The following RIMS2 variants were observed in gnomAD, a reference collection of about 807,000 sequenced individuals.
The protein encoded by RIMS2 is regulating synaptic membrane exocytosis 2.
In RIMS2, 59 loss-of-function variants were observed where a neutral mutation model predicts 174.4. That is an observed-to-expected ratio of 0.34 (90% CI 0.27 to 0.42). The LOEUF is 0.42. RIMS2 is among the 10% of genes least tolerant of loss of function. RIMS2 has a pLI of 1.00. For synonymous variants in RIMS2, 606 were observed against 572.5 expected (o/e 1.06, Z -0.84); for missense variants, 1,620 against 1,666.3 (o/e 0.97, Z 0.48).
chr8:103,885,989 T>C (rs1209473681), exon 4 of RIMS2: 1 of 1,612,922 alleles, frequency 6.2e-7, no homozygotes, highest in Non-Finnish European at 8.5e-7. Flanking sequence ...AGATCCTAGC[T>C]CTGCTGTAAG....
At chr8:103,792,403 C>G (rs2098507801) in intron 3 of RIMS2, among the ~76,000 whole-genome samples, 1 of 152,178 alleles carries the variant, frequency 6.6e-6, no homozygotes, top group Non-Finnish European at 1.5e-5. Flanking sequence ...ACCAGAATCT[C>G]TGGGACACAC....
chr8:104,241,670 G>A lies in RIMS2; in HGVS notation c.3335-3246G>A, dbSNP rs572151957. Among the ~76,000 whole-genome samples the A allele has an allele frequency of 4.6e-5, 7 of 152,206 alleles. No individual in the cohort carries two copies. The South Asian group carries it at 1.5e-3, about 32-fold the overall frequency. The stretch of plus-strand genomic sequence containing the variant: ...CTGATGGGAATTTTTTCACAAGAGC[G>A]CTGTTCACAGGAAGTGAACATTAAA... On this transcript the variant is annotated intron_variant, in intron 19 of 23. Coordinates refer to ENST00000504942, the Ensembl canonical transcript of RIMS2.
chr8:104,233,966 A>G (rs1441621282), intron 19 of RIMS2, among the ~76,000 whole-genome samples: 2 of 152,138 alleles, frequency 1.3e-5, no homozygotes, highest in Non-Finnish European at 2.9e-5. Flanking sequence ...CCCTTAGTTC[A>G]ATTTGGCCAA....
chr8:103,793,573 C>T lies in RIMS2; in HGVS notation c.698+27036C>T, dbSNP rs556311264. 3.5e-3 allele frequency among the ~76,000 whole-genome samples: 540 copies of T among 152,256 alleles called. 8 individuals carry two copies. The highest frequency in any genetic ancestry group is 1.8e-3 in the Non-Finnish European group (123 of 68,012). On this transcript the variant is annotated intron_variant, in intron 3 of 23. Coordinates refer to ENST00000504942, the Ensembl canonical transcript of RIMS2. ...CCTATTCAACATAGTGTTGGATGTT[C>T]TGGCCAGGGCAATCAGGCAGGAGAA... is the stretch of plus-strand genomic sequence containing the variant.
intron 1 of RIMS2, among the ~76,000 whole-genome samples, chr8:103,671,860 A>G (rs1351476962): frequency 6.6e-6 from 1 of 152,214 alleles, no homozygotes; most frequent in Non-Finnish European, 1.5e-5. Context: ...AAGAGGGTAA[A>G]ACATTTCTTA....
chr8:103,990,501 T>C (rs117435045), intron 17 of RIMS2, among the ~76,000 whole-genome samples: 2,584 of 152,184 alleles, frequency 0.017, 30 homozygotes, highest in Non-Finnish European at 0.025. Flanking sequence ...TTTGCTTAAC[T>C]TTTTCATAGT....
chr8:104,229,363 G>A (rs1426645935), intron 19 of RIMS2, among the ~76,000 whole-genome samples: 2 of 144,306 alleles, frequency 1.4e-5, no homozygotes, highest in Non-Finnish European at 3.0e-5. Context: ...ACCTAATGCT[G>A]TGTATATATA....
chr8:103,728,804 T>C (rs1159485526), intron 2 of RIMS2, among the ~76,000 whole-genome samples: 2 of 150,190 alleles, frequency 1.3e-5, no homozygotes, highest in Non-Finnish European at 3.0e-5. Context: ...AATTTTCTCA[T>C]TTGCTTTATT....
chr8:103,532,366 C>G (rs1837584129), intron 1 of RIMS2, among the ~76,000 whole-genome samples: 1 of 152,148 alleles, frequency 6.6e-6, no homozygotes. Context: ...AAAATCTGAT[C>G]AACTTTTGAT....
At chr8:103,872,284 T>C (rs2099116057) in intron 3 of RIMS2, among the ~76,000 whole-genome samples, 1 of 152,224 alleles carries the variant, frequency 6.6e-6, no homozygotes, top group Non-Finnish European at 1.5e-5. Context: ...CCTTGGCTTG[T>C]ATTTCATCAG....
intron 19 of RIMS2, among the ~76,000 whole-genome samples, chr8:104,070,499 C>G (rs2154561556): frequency 6.6e-6 from 1 of 152,276 alleles, no homozygotes; most frequent in Admixed American, 6.5e-5. Context: ...ACATTCCTAA[C>G]TATTTGAGTT....
intron 19 of RIMS2, among the ~76,000 whole-genome samples, chr8:104,066,209 T>C (rs1773179226): frequency 6.6e-6 from 1 of 152,216 alleles, no homozygotes; most frequent in African/African-American, 2.4e-5. Flanking sequence ...ATATTTGTTA[T>C]TGGGCCCTTT....
At chr8:103,742,605 G>A (rs2097772320) in intron 2 of RIMS2, among the ~76,000 whole-genome samples, 1 of 152,104 alleles carries the variant, frequency 6.6e-6, no homozygotes, top group African/African-American at 2.4e-5. Flanking sequence ...TTAGTAGTGA[G>A]CAATATTAAT....
intron 3 of RIMS2, among the ~76,000 whole-genome samples, chr8:103,817,339 G>T (rs1417014549): frequency 2.0e-5 from 3 of 152,210 alleles, no homozygotes; most frequent in Admixed American, 2.0e-4. Flanking sequence ...ATTTGTGTGT[G>T]TGTGTGCATG....
At chr8:103,565,595 T>A (rs1339373300) in intron 1 of RIMS2, among the ~76,000 whole-genome samples, 1 of 152,196 alleles carries the variant, frequency 6.6e-6, no homozygotes, top group Non-Finnish European at 1.5e-5. Context: ...GCACTTGGCC[T>A]AGCAAGTGTT....
intron 1 of RIMS2, among the ~76,000 whole-genome samples, chr8:103,630,113 C>G (rs555873454): frequency 1.4e-5 from 2 of 144,800 alleles, no homozygotes; most frequent in Non-Finnish European, 3.0e-5. Context: ...CAGGCTGAGA[C>G]ACATCATAAT....
intron 3 of RIMS2, among the ~76,000 whole-genome samples, chr8:103,814,030 A>G (rs1342493588): frequency 6.6e-6 from 1 of 152,244 alleles, no homozygotes; most frequent in African/African-American, 2.4e-5. Context: ...TGCATAAAAA[A>G]ATGTGGTAAA....
intron 17 of RIMS2, among the ~76,000 whole-genome samples, chr8:104,004,606 T>C (rs2095507928): frequency 6.6e-6 from 1 of 152,114 alleles, no homozygotes; most frequent in Non-Finnish European, 1.5e-5. Flanking sequence ...TTAGATAGCA[T>C]ATGTGATATC....
At chr8:103,894,481 A>G (rs1282027173) in intron 4 of RIMS2, among the ~76,000 whole-genome samples, 3 of 151,776 alleles carry the variant, frequency 2.0e-5, no homozygotes, top group East Asian at 3.9e-4. Context: ...AGAATCTAGT[A>G]AAAACCTAGA....
Sources: gnomAD v4.1 joint callset for allele counts (sites outside exome capture counted in the v4.1 genomes callset) on GRCh38, gnomAD v4.1.1 for gene constraint, MANE v1.5 for transcripts, NCBI Gene and HGNC (gene_info 2026-07-23, HGNC 2026-07-21) for gene names.